PEBP4: variants seen among roughly 807,000 people sequenced by gnomAD.
The protein encoded by PEBP4 is phosphatidylethanolamine-binding protein 4.
In PEBP4, 22 loss-of-function variants were observed where a neutral mutation model predicts 23.9. That is an observed-to-expected ratio of 0.92 (90% CI 0.66 to 1.31). PEBP4 has a LOEUF of 1.31. Among genes scored for constraint, PEBP4 ranks in the 40% most tolerant of loss-of-function variants. The pLI, the probability that PEBP4 is intolerant of heterozygous loss-of-function variation, is 0.00. For synonymous variants in PEBP4, 112 were observed against 99.3 expected, an observed-to-expected ratio of 1.13 and a Z score of -0.76; for missense variants, 324 against 281.7, an observed-to-expected ratio of 1.15 and a Z score of -1.07.
intron 3 of PEBP4, among the ~76,000 whole-genome samples, chr8:22,874,925 TA>T (rs1808089721): frequency 6.6e-6 from 1 of 152,334 alleles, no homozygotes; most frequent in Non-Finnish European, 1.5e-5. Flanking sequence ...TGGAATTTAT[TA>T]TTTTTTTTCA....
upstream of PEBP4, among the ~76,000 whole-genome samples, chr8:22,929,368 C>T (rs983108161): frequency 6.6e-6 from 1 of 152,260 alleles, no homozygotes; most frequent in African/African-American, 2.4e-5. Context: ...AGAAACTCAT[C>T]TTCCAAATGG....
chr8:22,870,868 C>T (rs919943269), intron 3 of PEBP4, among the ~76,000 whole-genome samples: 1 of 152,146 alleles, frequency 6.6e-6, no homozygotes, highest in Non-Finnish European at 1.5e-5. Flanking sequence ...GCCCTTGGGA[C>T]CTCTGCCAGA....
At chr8:22,925,113 A>C (rs2466221) in intron 2 of PEBP4, 1 of 985,070 alleles carries the variant, frequency 1.0e-6, no homozygotes, top group Non-Finnish European at 1.2e-6. Context: ...TCCTTGATGC[A>C]TTTTTCATTT....
intron 4 of PEBP4, among the ~76,000 whole-genome samples, chr8:22,764,750 G>A (rs1057258933): frequency 2.0e-5 from 3 of 151,882 alleles, no homozygotes; most frequent in Non-Finnish European, 4.4e-5. Flanking sequence ...GTGCAGAGTG[G>A]GGATCGGTCA....
At chr8:22,882,467 C>T (rs1808281188) in intron 3 of PEBP4, among the ~76,000 whole-genome samples, 1 of 152,164 alleles carries the variant, frequency 6.6e-6, no homozygotes. Flanking sequence ...GGAGAATGTA[C>T]CACGACTTTT....
intron 4 of PEBP4, among the ~76,000 whole-genome samples, chr8:22,759,035 C>G (rs1363093925): frequency 6.6e-6 from 1 of 152,114 alleles, no homozygotes; most frequent in Non-Finnish European, 1.5e-5. Flanking sequence ...CCATGGGAAA[C>G]AGCTGTTTAC....
intron 3 of PEBP4, among the ~76,000 whole-genome samples, chr8:22,896,551 T>C (rs956829444): frequency 6.6e-6 from 1 of 152,180 alleles, no homozygotes. Context: ...CAGCATTTTC[T>C]GGCTCTGGGT....
At chr8:22,899,999 C>T (rs571688034) in intron 3 of PEBP4, among the ~76,000 whole-genome samples, 3 of 152,042 alleles carry the variant, frequency 2.0e-5, no homozygotes, top group African/African-American at 7.3e-5. Context: ...ACCTGGCTTG[C>T]GGTTTGGGCT....
At chr8:22,728,548 CTT>C (rs747249415) in intron 4 of PEBP4, among the ~76,000 whole-genome samples, 1 of 85,566 alleles carries the variant, frequency 1.2e-5, no homozygotes, top group Non-Finnish European at 2.8e-5. Flanking sequence ...TCCTTCCTTT[CTT>C]TCTTTCTTTC....
chr8:22,732,268 A>G (rs1804754070), intron 4 of PEBP4, among the ~76,000 whole-genome samples: 1 of 152,068 alleles, frequency 6.6e-6, no homozygotes, highest in Non-Finnish European at 1.5e-5. Context: ...GAGGAGGTGA[A>G]TTTCTTAGAA....
chr8:22,811,087 C>G (rs1285231951), intron 4 of PEBP4, among the ~76,000 whole-genome samples: 2 of 152,118 alleles, frequency 1.3e-5, no homozygotes, highest in Non-Finnish European at 2.9e-5. Flanking sequence ...TTCTTTCTCT[C>G]TCTCTCTCTT....
At chr8:22,724,205 T>G (rs778852352) in intron 6 of PEBP4, among the ~76,000 whole-genome samples, 11 of 152,192 alleles carry the variant, frequency 7.2e-5, no homozygotes, top group Non-Finnish European at 1.5e-4. Context: ...ACTTGTGGCA[T>G]GCTGCAGTGG....
intron 3 of PEBP4, among the ~76,000 whole-genome samples, chr8:22,877,352 AG>A (rs1808142922): frequency 6.6e-6 from 1 of 152,176 alleles, no homozygotes; most frequent in Admixed American, 6.5e-5. Flanking sequence ...TTCTGAGGTC[AG>A]AATCAAACCA....
chr8:22,898,991 C>T (rs2128776360), intron 3 of PEBP4, among the ~76,000 whole-genome samples: 1 of 152,302 alleles, frequency 6.6e-6, no homozygotes, highest in Non-Finnish European at 1.5e-5. Flanking sequence ...GGAGGTGTGG[C>T]TTGGCTAACT....
chr8:22,887,112 G>GTGTA (rs891038745), intron 3 of PEBP4: 1 of 147,938 alleles, frequency 6.8e-6, no homozygotes, highest in East Asian at 2.0e-4. Flanking sequence ...GTGTGTGTGT[G>GTGTA]TGTGTATGTG....
At chr8:22,740,455 A>G (rs1804964931) in intron 4 of PEBP4, among the ~76,000 whole-genome samples, 1 of 152,210 alleles carries the variant, frequency 6.6e-6, no homozygotes, top group Non-Finnish European at 1.5e-5. Context: ...CCAGTGAACC[A>G]GAAGCTTCCT....
chr8:22,738,928 G>A (rs1013707117), intron 4 of PEBP4, among the ~76,000 whole-genome samples: 2 of 152,176 alleles, frequency 1.3e-5, no homozygotes, highest in Admixed American at 1.3e-4. Context: ...GGTATGCCTG[G>A]GGCTGGGCAT....
intron 6 of PEBP4, among the ~76,000 whole-genome samples, chr8:22,724,278 G>A (rs1240837856): frequency 6.6e-6 from 1 of 152,152 alleles, no homozygotes; most frequent in Non-Finnish European, 1.5e-5. Flanking sequence ...CAAGCAGGCG[G>A]GGTTCGCCAT....
intron 2 of PEBP4, 138 bp from the exon 3 acceptor site, chr8:22,920,448 A>G (rs1809176423): frequency 9.7e-7 from 1 of 1,033,572 alleles, no homozygotes; most frequent in African/African-American, 1.6e-5. Context: ...TAGTTGTGTG[A>G]CCGAAGAGTT....
Sources: allele counts gnomAD v4.1 joint callset (sites outside exome capture counted in the v4.1 genomes callset), GRCh38; gene constraint gnomAD v4.1.1; transcripts MANE v1.5; gene names NCBI Gene and HGNC (gene_info 2026-07-23, HGNC 2026-07-21).